Variants in DENND1B observed in about 807,000 individuals in gnomAD.
The protein encoded by DENND1B is DENN domain-containing protein 1B.
A neutral mutation model predicts 90.1 loss-of-function variants in DENND1B; 59 were observed. That is an observed-to-expected ratio of 0.65 (90% CI 0.53 to 0.81). The LOEUF (loss-of-function observed/expected upper bound fraction) is 0.81, where lower values mean the gene tolerates loss of function less well. Among genes scored for constraint, DENND1B ranks in the 40% least tolerant of loss-of-function variants. The pLI is 0.00. For missense variants in DENND1B, 862 were observed against 912.6 expected (o/e 0.94, Z 0.71); for synonymous variants, 337 against 324.6 (o/e 1.04, Z -0.41).
At chr1:197,726,304 T>C (rs1661628484) in intron 2 of DENND1B, among the ~76,000 whole-genome samples, 2 of 152,130 alleles carry the variant, frequency 1.3e-5, no homozygotes, top group African/African-American at 4.8e-5. Context: ...GAGTTCTAGA[T>C]CTGCAGAACT....
At chr1:197,585,017 T>C (rs771352295) in intron 14 of DENND1B, among the ~76,000 whole-genome samples, 12 of 152,200 alleles carry the variant, frequency 7.9e-5, no homozygotes, top group Non-Finnish European at 1.2e-4. Flanking sequence ...TTAAATTACA[T>C]ATTTTTTAAA....
At chr1:197,538,852 C>T (rs1464356279) in intron 20 of DENND1B, among the ~76,000 whole-genome samples, 1 of 151,482 alleles carries the variant, frequency 6.6e-6, no homozygotes, top group Non-Finnish European at 1.5e-5. Context: ...AGGGTTCCAC[C>T]CTCTTGGGTG....
chr1:197,561,624 C>G (rs910599119), intron 15 of DENND1B, among the ~76,000 whole-genome samples: 55 of 151,764 alleles, frequency 3.6e-4, no homozygotes, highest in African/African-American at 1.1e-3. Context: ...CATCCACTTA[C>G]CTAATCAATA....
intron 10 of DENND1B, among the ~76,000 whole-genome samples, chr1:197,636,227 T>C (rs1217039685): frequency 6.6e-6 from 1 of 151,994 alleles, no homozygotes; most frequent in Non-Finnish European, 1.5e-5. Flanking sequence ...AGAAGATAAG[T>C]GCTAGCCCTA....
At chr1:197,606,666 G>A (rs1253052133) in intron 13 of DENND1B, 1 of 159,840 alleles carries the variant, frequency 6.3e-6, no homozygotes, top group Non-Finnish European at 1.4e-5. Flanking sequence ...GCTGGCAGGT[G>A]GCAGGGAAGC....
intron 2 of DENND1B, among the ~76,000 whole-genome samples, chr1:197,716,528 T>TA (rs965005849): frequency 2.0e-5 from 3 of 151,376 alleles, no homozygotes; most frequent in Non-Finnish European, 4.4e-5. Flanking sequence ...TATTCCCAAT[T>TA]AAAAAAAATA....
intron 12 of DENND1B, among the ~76,000 whole-genome samples, chr1:197,610,874 T>C (rs1225660746): frequency 6.7e-6 from 1 of 149,176 alleles, no homozygotes. Context: ...TTAAATATGT[T>C]TTTTTTGTTA....
At chr1:197,771,441 C>T (rs1656599943) in intron 2 of DENND1B, among the ~76,000 whole-genome samples, 1 of 152,064 alleles carries the variant, frequency 6.6e-6, no homozygotes, top group Non-Finnish European at 1.5e-5. Context: ...ACATACAGGA[C>T]AATAAAAGAT....
chr1:197,722,502 T>C (rs1221531506), intron 2 of DENND1B, among the ~76,000 whole-genome samples: 1 of 152,128 alleles, frequency 6.6e-6, no homozygotes, highest in Non-Finnish European at 1.5e-5. Flanking sequence ...TTCTTAGTTA[T>C]CTATAGGAAG....
chr1:197,578,234 T>TTTGTTG (rs372241433), intron 15 of DENND1B, among the ~76,000 whole-genome samples: 11 of 151,590 alleles, frequency 7.3e-5, no homozygotes, highest in South Asian at 2.1e-4. Context: ...GGTTTTTGTT[T>TTTGTTG]TTGTTGTTGT....
chr1:197,512,376 T>C (rs1040014712), intron 21 of DENND1B, among the ~76,000 whole-genome samples: 1 of 151,740 alleles, frequency 6.6e-6, no homozygotes, highest in Admixed American at 6.6e-5. Context: ...GAAAAAAGAA[T>C]GTTCATTTTG....
At chr1:197,536,014 T>G (rs1669850154) in intron 20 of DENND1B, among the ~76,000 whole-genome samples, 1 of 141,726 alleles carries the variant, frequency 7.1e-6, no homozygotes, top group African/African-American at 2.7e-5. Context: ...AGGAGAGAAA[T>G]GAAGGAACAG....
intron 5 of DENND1B, among the ~76,000 whole-genome samples, chr1:197,667,117 A>C (rs1203871637): frequency 2.6e-5 from 4 of 151,282 alleles, no homozygotes. Flanking sequence ...CTGGCCGCAG[A>C]GCGAGACTCC....
intron 2 of DENND1B, among the ~76,000 whole-genome samples, chr1:197,768,749 G>A (rs913932268): frequency 2.6e-5 from 4 of 151,562 alleles, no homozygotes; most frequent in Non-Finnish European, 5.9e-5. Flanking sequence ...ACACATAGGG[G>A]ACACTATAGG....
intron 11 of DENND1B, among the ~76,000 whole-genome samples, chr1:197,616,919 C>G (rs189187755): frequency 4.0e-5 from 6 of 151,100 alleles, no homozygotes; most frequent in South Asian, 2.1e-4. Flanking sequence ...CATTTCCCCC[C>G]CTAGTCTTGA....
chr1:197,744,469 A>G (rs1425155085), intron 2 of DENND1B, among the ~76,000 whole-genome samples: 2 of 152,206 alleles, frequency 1.3e-5, no homozygotes, highest in Non-Finnish European at 2.9e-5. Flanking sequence ...AAACAGGTAC[A>G]TTGTCAATGA....
intron 2 of DENND1B, among the ~76,000 whole-genome samples, chr1:197,741,526 G>A (rs1463502930): frequency 6.6e-6 from 1 of 152,140 alleles, no homozygotes; most frequent in Non-Finnish European, 1.5e-5. Flanking sequence ...CTGCACAATC[G>A]TTTGAACCTA....
chr1:197,558,318 A>G (rs1346375931), intron 15 of DENND1B, among the ~76,000 whole-genome samples: 2 of 54,334 alleles, frequency 3.7e-5, no homozygotes, highest in Non-Finnish European at 8.4e-5. Flanking sequence ...CCATAATTTC[A>G]TAAATTATAA....
In DENND1B at chr1:197,565,675, T is replaced by C. The variant is rs1467562101; in HGVS notation, c.1150-12563A>G. 2.3e-5 allele frequency among the ~76,000 whole-genome samples: 3 copies of C among 131,178 alleles called. No individual in the cohort carries two copies. The Admixed American group carries it at 2.7e-4, about 12-fold the overall frequency. 86.1% of individuals were successfully genotyped at this position (131,178 alleles called of 152,430 possible). On this transcript the variant is annotated intron_variant, in intron 15 of 22. Coordinates refer to ENST00000620048, the MANE Select transcript of DENND1B (RefSeq NM_001195215.2). The stretch of plus-strand genomic sequence containing the variant: ...CCACAACAGTCCCCAGAGTGTGATG[T>C]TCCCCTTCCTGTGTCCATGTGTTCT...
Sources: gnomAD v4.1 joint callset for allele counts (sites outside exome capture counted in the v4.1 genomes callset) on GRCh38, gnomAD v4.1.1 for gene constraint, MANE v1.5 for transcripts, NCBI Gene and HGNC (gene_info 2026-07-23, HGNC 2026-07-21) for gene names.